Variants in PADI2 observed in about 807,000 individuals in gnomAD.
PADI2 encodes peptidyl arginine deiminase 2.
A neutral mutation model predicts 81.1 loss-of-function variants in PADI2; 70 were observed. That is an observed-to-expected ratio of 0.86 (90% CI 0.71 to 1.05). PADI2 has a LOEUF of 1.05. Among genes scored for constraint, PADI2 ranks in the 50% least tolerant of loss-of-function variants. The probability of loss-of-function intolerance (pLI) is 0.00; values close to 1 mark genes in which losing one functional copy is unlikely to be tolerated. For synonymous variants in PADI2, 338 were observed against 358.0 expected (o/e 0.94, Z 0.63); for missense variants, 853 against 889.9 (o/e 0.96, Z 0.53).
At chr1:17,087,661 T>C (rs2746522) in intron 6 of PADI2, among the ~76,000 whole-genome samples, 6,381 of 151,908 alleles carry the variant, frequency 0.042, 429 homozygotes, top group African/African-American at 0.14. Flanking sequence ...CCACCACATA[T>C]GGTTAATTTT....
rs2078233299 is a variant in PADI2, at chr1:17,067,770, G to C, written c.*1274C>G. 1 of 152,152 alleles carries C rather than the reference G, an allele frequency of 6.6e-6. No individual in the cohort carries two copies. Among genetic ancestry groups the C allele is most frequent in the Admixed American group, 6.5e-5 (1 of 15,278 alleles). 9.4% of individuals were successfully genotyped at this position (152,152 alleles called of 1,614,324 possible). A position where few individuals can be genotyped will look rare whatever the true frequency, so the allele number is the denominator to read the frequency against. On this transcript the variant is annotated 3_prime_UTR_variant, in exon 16 of 16. Coordinates refer to ENST00000375486, the MANE Select transcript of PADI2 (RefSeq NM_007365.3). Reference sequence around the variant, plus strand: ...GGAAATAATCCCAAATGAAAATCTTGTTCCTCCAAGAATATAAATTACATT... The same window carrying C: ...GGAAATAATCCCAAATGAAAATCTTCTTCCTCCAAGAATATAAATTACATT...
At position 17,068,918 on chromosome 1, in the gene PADI2, T is replaced by C. The variant is rs2078244339; in HGVS notation, c.*126A>G. On this transcript the variant is annotated 3_prime_UTR_variant, in exon 16 of 16. Transcript: ENST00000375486. ...GAGGGCAAGGCACAGATACCCCAAATTCCACCCCACGTCCCAAAGGTCTCC... is the reference window on the plus strand; with the variant it reads ...GAGGGCAAGGCACAGATACCCCAAACTCCACCCCACGTCCCAAAGGTCTCC... The C allele has an allele frequency of 1.3e-6, 1 of 749,352 alleles. No homozygotes were observed. The highest frequency in any genetic ancestry group is 1.7e-5 in the African/African-American group (1 of 57,514). 46.4% of individuals were successfully genotyped at this position (749,352 alleles called of 1,614,324 possible).
Position 17,079,920 on chromosome 1 carries a change from A to G in PADI2, c.1159-505T>C, listed in dbSNP as rs554813997. Among the ~76,000 whole-genome samples the G allele has an allele frequency of 2.6e-5, 4 of 151,344 alleles. No homozygotes were observed. In the East Asian group the frequency reaches 5.9e-4, roughly 22 times the overall value. ...GTGATTCTCCTGCCTCAGCCTCCCC[A>G]GTGGCTAGGATTATAGGCAAGCACC... On this transcript the variant is annotated intron_variant, in intron 10 of 15. Coordinates refer to ENST00000375486, the MANE Select transcript of PADI2 (RefSeq NM_007365.3).
intron 13 of PADI2, among the ~76,000 whole-genome samples, chr1:17,073,092 G>A (rs913420794): frequency 6.6e-6 from 1 of 152,086 alleles, no homozygotes; most frequent in African/African-American, 2.4e-5. Flanking sequence ...ATATATTATG[G>A]ATACCAACCT....
At chr1:17,081,071 C>G (rs902233976) in intron 10 of PADI2, among the ~76,000 whole-genome samples, 1 of 152,238 alleles carries the variant, frequency 6.6e-6, no homozygotes, top group Non-Finnish European at 1.5e-5. Context: ...AGCCTGGGGC[C>G]TTGGAACCAG....
intron 4 of PADI2, among the ~76,000 whole-genome samples, 180 bp downstream of exon 4, chr1:17,095,729 G>A (rs549106464): frequency 3.4e-4 from 52 of 152,300 alleles, no homozygotes; most frequent in Non-Finnish European, 6.8e-4. Context: ...CTGCTCTGTT[G>A]CCGTCTCTAG....
At chr1:17,086,386 C>G (rs1301611900) in intron 7 of PADI2, 135 bp downstream of exon 7, 2 of 662,450 alleles carry the variant, frequency 3.0e-6, no homozygotes, top group East Asian at 5.7e-5. Flanking sequence ...TGGGGGGCAT[C>G]GAGGTCTCCT....
intron 1 of PADI2, among the ~76,000 whole-genome samples, chr1:17,108,176 T>C (rs935112571): frequency 1.3e-5 from 2 of 148,736 alleles, no homozygotes; most frequent in Admixed American, 6.6e-5. Flanking sequence ...CTTGAACTCC[T>C]GACCTCAGGT....
chr1:17,112,524 G>C (rs1048361749), intron 1 of PADI2, among the ~76,000 whole-genome samples: 2 of 20,078 alleles, frequency 1.0e-4, no homozygotes, highest in African/African-American at 1.6e-4. Context: ...AGAGGAGTCT[G>C]GGGGGGGGAG....
At chr1:17,077,549 G>A (rs1228203010) in intron 11 of PADI2, among the ~76,000 whole-genome samples, 2 of 152,184 alleles carry the variant, frequency 1.3e-5, no homozygotes, top group Non-Finnish European at 2.9e-5. Flanking sequence ...TTGCATGCCT[G>A]AGACCTCTGC....
chr1:17,093,493 A>G, intron 5 of PADI2, 74 bp downstream of exon 5: 1 of 975,694 alleles, frequency 1.0e-6, no homozygotes, highest in South Asian at 1.4e-5. Flanking sequence ...CCTCACCCTC[A>G]GCCCAGCCCA....
intron 11 of PADI2, among the ~76,000 whole-genome samples, chr1:17,077,155 A>C (rs185678340): frequency 5.3e-5 from 8 of 151,876 alleles, no homozygotes; most frequent in African/African-American, 9.7e-5. Flanking sequence ...CCAAGCCTCA[A>C]CTCTAGTCAC....
chr1:17,103,999 C>T (rs1931245083), intron 2 of PADI2, among the ~76,000 whole-genome samples: 1 of 151,226 alleles, frequency 6.6e-6, no homozygotes, highest in South Asian at 2.1e-4. Context: ...AACAAACAAA[C>T]AGGCCGGCCG....
chr1:17,099,033 C>T (rs1289181720), intron 3 of PADI2, among the ~76,000 whole-genome samples: 6 of 152,238 alleles, frequency 3.9e-5, no homozygotes, highest in Admixed American at 6.5e-5. Context: ...AGCCCCAAGG[C>T]GTCAGGTGGC....
intron 1 of PADI2, among the ~76,000 whole-genome samples, chr1:17,119,000 G>A (rs1286758153): frequency 6.6e-6 from 1 of 152,158 alleles, no homozygotes; most frequent in Non-Finnish European, 1.5e-5. Context: ...ACTGGAGAGG[G>A]CCAGACGGAG....
intron 12 of PADI2, 142 bp downstream of exon 12, chr1:17,075,537 C>T (rs1285920147): frequency 1.4e-6 from 1 of 730,980 alleles, no homozygotes; most frequent in Non-Finnish European, 2.1e-6. Flanking sequence ...GCCACAGCAA[C>T]AACATGCAAA....
At chr1:17,112,466 AC>A (rs1931616159) in intron 1 of PADI2, among the ~76,000 whole-genome samples, 1 of 151,636 alleles carries the variant, frequency 6.6e-6, no homozygotes, top group Non-Finnish European at 1.5e-5. Context: ...CCCCAGAGTG[AC>A]CCCAGCTCCT....
intron 3 of PADI2, among the ~76,000 whole-genome samples, chr1:17,096,204 C>T (rs1184895798): frequency 8.5e-5 from 13 of 152,194 alleles, no homozygotes; most frequent in Non-Finnish European, 1.8e-4. Flanking sequence ...GAGCTGCCAT[C>T]GGGGAGGTCT....
chr1:17,083,836 T>C lies in PADI2; in HGVS notation c.940A>G (p.Met314Val), dbSNP rs376934184. Residue 314 changes from methionine (M) to valine (V), a missense_variant and splice_region_variant, in exon 9 of 16, where the codon ATG becomes GTG. By Grantham distance (21) the Met-to-Val change is conservative (BLOSUM62 1). Coordinates refer to ENST00000375486, the MANE Select transcript of PADI2 (RefSeq NM_007365.3). Reference protein sequence around the residue: ...LPPVSVFVCCMKDNYLFLKEV... With the variant: ...LPPVSVFVCCVKDNYLFLKEV... The stretch of plus-strand genomic sequence containing the variant: ...TTCAGGAACAGGTAATTATCCTTCA[T>C]GCTGAGAAGTTGGGGGAAGAAGGAG... 5 of 1,593,964 alleles carry C rather than the reference T, an allele frequency of 3.1e-6. No homozygotes were observed. The East Asian group carries it at 8.9e-5, about 28-fold the overall frequency.
Sources: allele counts gnomAD v4.1 joint callset (sites outside exome capture counted in the v4.1 genomes callset), GRCh38; gene constraint gnomAD v4.1.1; transcripts MANE v1.5; gene names NCBI Gene and HGNC (gene_info 2026-07-23, HGNC 2026-07-21).